Variants in STS observed in about 807,000 individuals in gnomAD.
STS encodes steroid sulfatase.
In STS, 7 loss-of-function variants were observed where a neutral mutation model predicts 26.8. That is an observed-to-expected ratio of 0.26 (90% confidence interval 0.15 to 0.49). The LOEUF is 0.49. STS is among the 20% of genes least tolerant of loss of function. STS has a pLI of 0.98. For synonymous variants in STS, 199 were observed against 189.4 expected (o/e 1.05, Z -0.42); for missense variants, 434 against 465.6 (o/e 0.93, Z 0.63).
At chrX:7,251,036 A>G (rs1243164491) in intron 2 of STS, among the ~76,000 whole-genome samples, 2 of 112,509 alleles carry the variant, frequency 1.8e-5, no homozygotes, top group South Asian at 3.7e-4. Context: ...ATTGATGGTC[A>G]TACAACTGCA....
intron 10 of STS, among the ~76,000 whole-genome samples, chrX:7,337,701 T>C: frequency 8.9e-6 from 1 of 112,599 alleles, no homozygotes; most frequent in East Asian, 2.8e-4. Context: ...TATTAAACCA[T>C]TGTCTGTTTT....
At chrX:7,253,631 C>T (rs1486339687) in intron 3 of STS, among the ~76,000 whole-genome samples, 1 of 111,898 alleles carries the variant, frequency 8.9e-6, no homozygotes, top group East Asian at 2.8e-4. Flanking sequence ...TTCACATTTC[C>T]ATCCCTTTTG....
intron 7 of STS, among the ~76,000 whole-genome samples, chrX:7,303,248 T>C (rs1161676985): frequency 9.0e-6 from 1 of 111,233 alleles, no homozygotes; most frequent in Non-Finnish European, 1.9e-5. Context: ...GCTGCCATGA[T>C]TGTGAGGCCT....
At chrX:7,227,347 G>C (rs1330091930) in intron 2 of STS, among the ~76,000 whole-genome samples, 1 of 110,636 alleles carries the variant, frequency 9.0e-6, no homozygotes, top group African/African-American at 3.3e-5. Context: ...TGATAAATTA[G>C]AAGCATCTAA....
At chrX:7,343,198 C>T (rs1391893799) in intron 10 of STS, among the ~76,000 whole-genome samples, 2 of 111,680 alleles carry the variant, frequency 1.8e-5, no homozygotes, top group Admixed American at 1.9e-4. Context: ...AAATAAATCT[C>T]GCCAAAACTA....
chrX:7,328,962 T>C (rs1385050520), intron 9 of STS, among the ~76,000 whole-genome samples: 1 of 111,533 alleles, frequency 9.0e-6, no homozygotes, highest in African/African-American at 3.3e-5. Flanking sequence ...TCCCAGAGTG[T>C]TGGGATTACA....
chrX:7,155,324 C>T (rs1050988346), intron 1 of STS, among the ~76,000 whole-genome samples: 38 of 112,398 alleles, frequency 3.4e-4, no homozygotes, highest in South Asian at 1.1e-3. Context: ...TGCCTCACCA[C>T]CAACTTTCTT....
At chrX:7,276,332 G>A (rs1924537411) in intron 7 of STS, among the ~76,000 whole-genome samples, 1 of 111,194 alleles carries the variant, frequency 9.0e-6, no homozygotes, top group African/African-American at 3.3e-5. Flanking sequence ...TCAGCCAGGT[G>A]TGGTGGTACA....
intron 7 of STS, among the ~76,000 whole-genome samples, chrX:7,298,444 T>A (rs1437483242): frequency 9.0e-6 from 1 of 111,728 alleles, no homozygotes; most frequent in Non-Finnish European, 1.9e-5. Flanking sequence ...CTAGATTGAA[T>A]TCACCTATAT....
At chrX:7,150,976 T>C (rs911307906) in intron 1 of STS, among the ~76,000 whole-genome samples, 1 of 112,588 alleles carries the variant, frequency 8.9e-6, no homozygotes, top group South Asian at 3.7e-4. Context: ...GACAATAACT[T>C]ACTTTTCCTG....
At chrX:7,210,093 A>G (rs763836438) in intron 2 of STS, among the ~76,000 whole-genome samples, 1 of 111,585 alleles carries the variant, frequency 9.0e-6, no homozygotes, top group South Asian at 3.8e-4. Flanking sequence ...ATACATGTGC[A>G]TGTGTCTTTA....
chrX:7,157,917 A>G (rs1933166898), intron 1 of STS, among the ~76,000 whole-genome samples: 3 of 111,851 alleles, frequency 2.7e-5, no homozygotes, highest in Admixed American at 1.9e-4. Flanking sequence ...AATGAGATGG[A>G]AAAAAATGGC....
intron 1 of STS, among the ~76,000 whole-genome samples, chrX:7,181,969 G>A: frequency 9.0e-6 from 1 of 111,040 alleles, no homozygotes; most frequent in Non-Finnish European, 1.9e-5. Context: ...AGCTACTTGG[G>A]AGGCTAAGAT....
At chrX:7,343,753 C>G (rs759895132) in intron 10 of STS, among the ~76,000 whole-genome samples, 1 of 112,043 alleles carries the variant, frequency 8.9e-6, no homozygotes, top group Non-Finnish European at 1.9e-5. Context: ...CCGCCTACCG[C>G]CAGCACCCCC....
intron 2 of STS, among the ~76,000 whole-genome samples, chrX:7,235,334 A>C (rs1192251281): frequency 1.8e-5 from 2 of 112,071 alleles, no homozygotes; most frequent in African/African-American, 6.5e-5. Context: ...CTATGATGGC[A>C]CTCAAATGTA....
At chrX:7,310,607 G>A (rs915850757) in intron 8 of STS, among the ~76,000 whole-genome samples, 1 of 111,786 alleles carries the variant, frequency 8.9e-6, no homozygotes, top group African/African-American at 3.3e-5. Context: ...AAGCCTTTGA[G>A]CCTCTCTTTG....
chrX:7,172,720 A>G (rs1933490576), intron 1 of STS, among the ~76,000 whole-genome samples: 4 of 111,418 alleles, frequency 3.6e-5, no homozygotes, highest in Admixed American at 1.9e-4. Context: ...GAGAGAAGAA[A>G]TCCAAAGCAG....
chrX:7,236,067 A>G (rs1183149155), intron 2 of STS, among the ~76,000 whole-genome samples: 3 of 112,253 alleles, frequency 2.7e-5, no homozygotes, highest in Non-Finnish European at 3.8e-5. Flanking sequence ...GACCAATTTA[A>G]CTACAAGTAT....
chrX:7,326,345 G>A (rs1158482439), intron 9 of STS, among the ~76,000 whole-genome samples: 1 of 111,535 alleles, frequency 9.0e-6, no homozygotes, highest in Non-Finnish European at 1.9e-5. Context: ...GTGGACGGGT[G>A]GTGTTTAATT....
Sources: gnomAD v4.1 joint callset for allele counts (sites outside exome capture counted in the v4.1 genomes callset) on GRCh38, gnomAD v4.1.1 for gene constraint, MANE v1.5 for transcripts, NCBI Gene and HGNC (gene_info 2026-07-23, HGNC 2026-07-21) for gene names.